The following SORCS1 variants were observed in gnomAD, a reference collection of about 807,000 sequenced individuals.
SORCS1 encodes sortilin related VPS10 domain containing receptor 1.
A neutral mutation model predicts 146.1 loss-of-function variants in SORCS1; 60 were observed. The ratio of observed to expected loss-of-function variants is 0.41; its 90% CI spans 0.33 to 0.51. The LOEUF (loss-of-function observed/expected upper bound fraction) is 0.51. SORCS1 is among the 20% of genes least tolerant of loss of function. The pLI is 0.21. For synonymous variants in SORCS1, 637 were observed against 584.0 expected, an observed-to-expected ratio of 1.09 and a Z score of -1.31; for missense variants, 1,352 against 1,487.6, an observed-to-expected ratio of 0.91 and a Z score of 1.50.
intron 18 of SORCS1, among the ~76,000 whole-genome samples, chr10:106,630,419 C>T (rs2133584153): frequency 6.6e-6 from 1 of 152,282 alleles, no homozygotes; most frequent in East Asian, 1.9e-4. Context: ...ATCACTTGTT[C>T]AAGGTTAACA....
intron 1 of SORCS1, among the ~76,000 whole-genome samples, chr10:107,034,090 T>A (rs1401916332): frequency 6.6e-6 from 1 of 152,180 alleles, no homozygotes; most frequent in Non-Finnish European, 1.5e-5. Context: ...ATAGACAGCT[T>A]GGAGAGAACA....
At chr10:106,885,297 A>T (rs937588287) in intron 2 of SORCS1, among the ~76,000 whole-genome samples, 5 of 149,888 alleles carry the variant, frequency 3.3e-5, no homozygotes, top group East Asian at 4.0e-4. Flanking sequence ...GGGGGGGGGA[A>T]CTTGAAGAAA....
At chr10:106,581,693 C>G (rs547612037) in intron 24 of SORCS1, among the ~76,000 whole-genome samples, 1 of 152,092 alleles carries the variant, frequency 6.6e-6, no homozygotes, top group Non-Finnish European at 1.5e-5. Context: ...TATCCAGTCC[C>G]CACAACCTCC....
intron 18 of SORCS1, among the ~76,000 whole-genome samples, chr10:106,632,683 A>C (rs1848504859): frequency 6.6e-6 from 1 of 152,232 alleles, no homozygotes; most frequent in Non-Finnish European, 1.5e-5. Flanking sequence ...CTGGGCTTTC[A>C]TGAGCTTACA....
chr10:106,703,494 T>C (rs1374002893), intron 8 of SORCS1, among the ~76,000 whole-genome samples: 1 of 152,252 alleles, frequency 6.6e-6, no homozygotes, highest in Non-Finnish European at 1.5e-5. Context: ...AACTCATTAC[T>C]TTCCCCTGTC....
At chr10:106,904,822 A>G (rs9665651) in intron 2 of SORCS1, among the ~76,000 whole-genome samples, 12,220 of 152,220 alleles carry the variant, frequency 0.08, 1,084 homozygotes, top group African/African-American at 0.21. Context: ...TGTACTAGCA[A>G]TGTTAATTTA....
intron 2 of SORCS1, among the ~76,000 whole-genome samples, chr10:106,842,282 G>C (rs1335963245): frequency 6.6e-6 from 1 of 152,150 alleles, no homozygotes; most frequent in Non-Finnish European, 1.5e-5. Context: ...TCACCCAGGT[G>C]GAGTGCAATG....
chr10:107,129,443 A>G (rs1474375547), intron 1 of SORCS1, among the ~76,000 whole-genome samples: 1 of 152,192 alleles, frequency 6.6e-6, no homozygotes, highest in Non-Finnish European at 1.5e-5. Context: ...AAGGGAGAAA[A>G]AAGAATGTTC....
chr10:107,105,902 T>C (rs1965272938), intron 1 of SORCS1, among the ~76,000 whole-genome samples: 1 of 152,150 alleles, frequency 6.6e-6, no homozygotes, highest in South Asian at 2.1e-4. Flanking sequence ...GGTCTGAGAA[T>C]GTAGTGATCA....
Position 106,699,240 on chromosome 10 carries a change from C to T in SORCS1, c.1387G>A (p.Gly463Ser). 1 of 1,613,300 alleles carries T rather than the reference C, an allele frequency of 6.2e-7. No individual in the cohort carries two copies. The highest frequency in any genetic ancestry group is 1.1e-5 in the South Asian group (1 of 90,934). ...TCATAGAGGTCGATCATGATGTTGC[C>T]CTCAGGGCCTCTGCTGCTCTGGACA... is the stretch of plus-strand genomic sequence containing the variant. ...ENVQSSRGPE[G>S]NIMIDLYEVA... The change falls in exon 9 of 26, where the codon GGC becomes AGC. Residue 463 changes from glycine (G) to serine (S), a missense_variant. By Grantham distance (56) the Gly-to-Ser change is moderately conservative. This residue lies in a region of SORCS1 where 648 missense variants were observed against 793.8 expected (regional missense o/e 0.82). Coordinates refer to ENST00000263054, the MANE Select transcript of SORCS1 (RefSeq NM_052918.5).
chr10:107,083,359 T>G (rs566788289), intron 1 of SORCS1, among the ~76,000 whole-genome samples: 1 of 152,158 alleles, frequency 6.6e-6, no homozygotes, highest in Non-Finnish European at 1.5e-5. Flanking sequence ...TATTTCAAAT[T>G]AGACTTCTGG....
intron 14 of SORCS1, among the ~76,000 whole-genome samples, chr10:106,674,462 T>C (rs2135507583): frequency 6.6e-6 from 1 of 151,924 alleles, no homozygotes; most frequent in Middle Eastern, 3.4e-3. Context: ...CTTTCTACTT[T>C]CCATGTCCAG....
At chr10:106,639,385 A>T (rs1347945979) in intron 18 of SORCS1, among the ~76,000 whole-genome samples, 1 of 152,222 alleles carries the variant, frequency 6.6e-6, no homozygotes, top group African/African-American at 2.4e-5. Flanking sequence ...GTCAGTAATG[A>T]GCCAGGTATC....
chr10:107,018,468 G>A (rs914416888), intron 1 of SORCS1, among the ~76,000 whole-genome samples: 1 of 151,976 alleles, frequency 6.6e-6, no homozygotes, highest in Non-Finnish European at 1.5e-5. Flanking sequence ...TTACAGGTGT[G>A]AGCCACCATG....
intron 4 of SORCS1, among the ~76,000 whole-genome samples, chr10:106,769,498 A>AAAAAAAAAAAG (rs1859840092): frequency 2.6e-5 from 4 of 151,612 alleles, no homozygotes; most frequent in African/African-American, 9.7e-5. Context: ...AAAAAAAAAA[A>AAAAAAAAAAAG]AAAGAAAGAA....
chr10:106,610,934 G>T (rs1185422312), intron 22 of SORCS1, among the ~76,000 whole-genome samples: 1 of 152,172 alleles, frequency 6.6e-6, no homozygotes, highest in Non-Finnish European at 1.5e-5. Flanking sequence ...GAAAAAAATA[G>T]CTGGGCGTGG....
intron 13 of SORCS1, 73 bp downstream of exon 13, chr10:106,677,240 G>T: frequency 7.4e-7 from 1 of 1,358,454 alleles, no homozygotes; most frequent in Non-Finnish European, 1.1e-6. Context: ...CGGTTTGATA[G>T]CCTGACTCCT....
chr10:106,841,964 G>A (rs912975901), intron 2 of SORCS1, among the ~76,000 whole-genome samples: 1 of 152,174 alleles, frequency 6.6e-6, no homozygotes, highest in African/African-American at 2.4e-5. Context: ...TTGCTGGATT[G>A]TATATTGAGT....
chr10:107,086,612 T>C (rs1963782720), intron 1 of SORCS1, among the ~76,000 whole-genome samples: 1 of 152,246 alleles, frequency 6.6e-6, no homozygotes, highest in Non-Finnish European at 1.5e-5. Flanking sequence ...TATATGGTTC[T>C]CTTTTTTTAA....
Sources: allele counts gnomAD v4.1 joint callset (sites outside exome capture counted in the v4.1 genomes callset), GRCh38; gene constraint gnomAD v4.1.1; regional missense constraint gnomAD v4.1.1; transcripts MANE v1.5; gene names NCBI Gene and HGNC (gene_info 2026-07-23, HGNC 2026-07-21).